PRKCZ: variants seen among roughly 807,000 people sequenced by gnomAD.
PRKCZ encodes protein kinase C zeta.
In PRKCZ, 33 loss-of-function variants were observed where a neutral mutation model predicts 79.5. That is an observed-to-expected ratio of 0.41 (90% confidence interval 0.31 to 0.55). The LOEUF (loss-of-function observed/expected upper bound fraction) is 0.55, where lower values mean the gene tolerates loss of function less well. Ranked by LOEUF, PRKCZ falls within the 20% of genes least tolerant of loss-of-function variation. The pLI, the probability that PRKCZ is intolerant of heterozygous loss-of-function variation, is 0.19. For missense variants in PRKCZ, 578 were observed against 813.5 expected (o/e 0.71, Z 3.52); for synonymous variants, 342 against 320.9 (o/e 1.07, Z -0.70).
chr1:2,062,508 G>A (rs76520107), intron 4 of PRKCZ, among the ~76,000 whole-genome samples: 5 of 148,930 alleles, frequency 3.4e-5, no homozygotes, highest in South Asian at 2.1e-4. Context: ...TTTGGCAGAG[G>A]GGGGACGGAG....
chr1:2,114,229 T>G (rs1670306893), intron 4 of PRKCZ, among the ~76,000 whole-genome samples: 1 of 147,366 alleles, frequency 6.8e-6, no homozygotes, highest in Non-Finnish European at 1.5e-5. Flanking sequence ...CAGGTTCGTC[T>G]TGTGTGTTGA....
At position 2,082,548 on chromosome 1, in the gene PRKCZ, CG is replaced by C; in HGVS notation, c.334+22958del. On this transcript the variant is annotated intron_variant, in intron 4 of 17. Coordinates refer to ENST00000378567, the MANE Select transcript of PRKCZ (RefSeq NM_002744.6). The surrounding 1 kb of genome is among the most constrained non-coding windows in gnomAD (Gnocchi z 4.4). ...TGGTAAATGCTCTGTGAGGAAGGAA[CG>C]ATGGTGGGATTTGTCACTCAGTCGA... The C allele has an allele frequency of 5.2e-6, 2 of 381,272 alleles. No individual in the cohort carries two copies. The highest frequency in any genetic ancestry group is 1.0e-5 in the Non-Finnish European group (2 of 191,496). The allele number at this position is 381,272 out of a possible 1,614,324, so 23.6% of individuals were successfully genotyped here. A position where few individuals can be genotyped will look rare whatever the true frequency, so the allele number is the denominator to read the frequency against.
chr1:2,088,602 CAG>C (rs1328057173), intron 4 of PRKCZ, among the ~76,000 whole-genome samples: 1 of 152,220 alleles, frequency 6.6e-6, no homozygotes, highest in Non-Finnish European at 1.5e-5. Context: ...ATGAGCCCAG[CAG>C]AGTCTTCCCG....
chr1:2,118,713 C>CTGTGTGTG (rs770283606), intron 4 of PRKCZ, among the ~76,000 whole-genome samples: 16,967 of 120,304 alleles, frequency 0.14, 1,515 homozygotes, highest in Non-Finnish European at 0.18. Context: ...CACACCAGCT[C>CTGTGTGTG]TGTGTGTGTG....
chr1:2,161,462 A>G (rs1461123365), intron 10 of PRKCZ, among the ~76,000 whole-genome samples: 2 of 152,230 alleles, frequency 1.3e-5, no homozygotes, highest in African/African-American at 4.8e-5. Flanking sequence ...AGCCCTGGGC[A>G]GTGAGGGGCC....
intron 16 of PRKCZ, chr1:2,184,381 C>T (rs1275578091): frequency 7.5e-6 from 4 of 536,164 alleles, no homozygotes; most frequent in East Asian, 6.7e-5. Context: ...TGGCATTTCT[C>T]AGCTCGACAA....
chr1:2,171,705 C>T (rs1287200379), intron 11 of PRKCZ: 4 of 221,914 alleles, frequency 1.8e-5, no homozygotes, highest in South Asian at 8.6e-5. Context: ...GACTGTCTTC[C>T]GCAGCAGCGG....
chr1:2,081,740 A>G (rs1263430226), intron 4 of PRKCZ, among the ~76,000 whole-genome samples: 2 of 152,130 alleles, frequency 1.3e-5, no homozygotes, highest in Non-Finnish European at 2.9e-5. Context: ...CAGGCTCTGC[A>G]TGGGGCTCGT....
At chr1:2,071,941 G>A (rs758154447) in intron 4 of PRKCZ, among the ~76,000 whole-genome samples, 1 of 152,224 alleles carries the variant, frequency 6.6e-6, no homozygotes, top group East Asian at 1.9e-4. Flanking sequence ...CTTTATGCAC[G>A]CTGAAATCTG....
intron 4 of PRKCZ, among the ~76,000 whole-genome samples, chr1:2,063,757 G>A (rs563329456): frequency 3.9e-5 from 6 of 152,034 alleles, no homozygotes; most frequent in Middle Eastern, 3.4e-3. Context: ...TCTTATGGGC[G>A]TGAGGTGGCA....
At chr1:2,101,642 C>T (rs1443623373) in intron 4 of PRKCZ, among the ~76,000 whole-genome samples, 2 of 152,164 alleles carry the variant, frequency 1.3e-5, no homozygotes, top group African/African-American at 4.8e-5. Flanking sequence ...GCTTCAGTTC[C>T]CCTTCCTGGA....
chr1:2,166,495 C>T (rs1357483287), intron 10 of PRKCZ, among the ~76,000 whole-genome samples: 2 of 152,196 alleles, frequency 1.3e-5, no homozygotes, highest in Non-Finnish European at 2.9e-5. Flanking sequence ...TGCTCCTCTC[C>T]CCTTGCAAAC....
intron 4 of PRKCZ, among the ~76,000 whole-genome samples, chr1:2,096,337 A>G (rs1234685672): frequency 2.0e-5 from 3 of 151,982 alleles, no homozygotes; most frequent in Non-Finnish European, 4.4e-5. Flanking sequence ...AGTAGCTGCC[A>G]CCGAGAGAGG....
chr1:2,057,698 C>A (rs962486970), intron 3 of PRKCZ, among the ~76,000 whole-genome samples: 1 of 151,960 alleles, frequency 6.6e-6, no homozygotes, highest in African/African-American at 2.4e-5. Flanking sequence ...AGACCCCCCC[C>A]TCTCCAAAAC....
chr1:2,166,882 G>T (rs973049420), intron 10 of PRKCZ, among the ~76,000 whole-genome samples: 7 of 152,260 alleles, frequency 4.6e-5, no homozygotes, highest in African/African-American at 1.7e-4. Flanking sequence ...GACAGCGCCT[G>T]TGGGGCACCC....
intron 4 of PRKCZ, among the ~76,000 whole-genome samples, chr1:2,069,572 AGGACAGTAGGT>A (rs1342076949): frequency 6.6e-6 from 1 of 152,168 alleles, no homozygotes; most frequent in Admixed American, 6.5e-5. Flanking sequence ...CCTGTCTCAA[AGGACAGTAGGT>A]GGACGTGGCA....
In PRKCZ at chr1:2,075,160, G is replaced by A. The variant is rs1662164526; in HGVS notation, c.334+15569G>A. On this transcript the variant is annotated intron_variant, in intron 4 of 17. Coordinates refer to ENST00000378567, the MANE Select transcript of PRKCZ (RefSeq NM_002744.6). This position sits in a 1 kb window ranked among gnomAD's most constrained non-coding sequence, Gnocchi z 4.8. The stretch of plus-strand genomic sequence containing the variant: ...TGAGTGGGAGAGAGACGGAGCTGGG[G>A]TGGTTTTCACACGTGCGCCTGCCTG... The A allele has an allele frequency of 6.6e-6, 1 of 152,358 alleles. No individual in the cohort carries two copies. Among genetic ancestry groups the A allele is most frequent in the Non-Finnish European group, 1.5e-5 (1 of 68,128 alleles). 9.4% of individuals were successfully genotyped at this position (152,358 alleles called of 1,614,324 possible). A position where few individuals can be genotyped will look rare whatever the true frequency, so the allele number is the denominator to read the frequency against.
At position 2,065,494 on chromosome 1, in the gene PRKCZ, C is replaced by T. The variant is rs1306216844; in HGVS notation, c.334+5903C>T. The stretch of plus-strand genomic sequence containing the variant: ...GAGATCGAGATCGTCCTGGTTAACA[C>T]AGTGAAACCCCGTTCTCTACTAAAA... On this transcript the variant is annotated intron_variant, in intron 4 of 17. Transcript: ENST00000378567. 5.3e-5 allele frequency among the ~76,000 whole-genome samples: 8 copies of T among 152,122 alleles called. No homozygotes were observed. In the East Asian group the frequency reaches 7.7e-4, roughly 15 times the overall value.
chr1:2,096,097 G>C (rs1002297105), intron 4 of PRKCZ, among the ~76,000 whole-genome samples: 2 of 151,654 alleles, frequency 1.3e-5, no homozygotes, highest in Admixed American at 1.3e-4. Flanking sequence ...CCAGGGAGCA[G>C]GCAGCTGCCT....
Sources: allele counts gnomAD v4.1 joint callset (sites outside exome capture counted in the v4.1 genomes callset), GRCh38; gene constraint gnomAD v4.1.1; non-coding constraint Gnocchi (gnomAD v3.1); transcripts MANE v1.5; gene names NCBI Gene and HGNC (gene_info 2026-07-23, HGNC 2026-07-21).